The following FOSB variants were observed in gnomAD, a reference collection of about 807,000 sequenced individuals.
The protein encoded by FOSB is FosB proto-oncogene, AP-1 transcription factor subunit.
A neutral mutation model predicts 31.1 loss-of-function variants in FOSB; 8 were observed. The observed-to-expected ratio is 0.26, with a 90% CI of 0.15 to 0.46. FOSB has a LOEUF of 0.46. Among genes scored for constraint, FOSB ranks in the 20% least tolerant of loss-of-function variants. FOSB has a pLI of 0.99. For synonymous variants in FOSB, 214 were observed against 206.1 expected (o/e 1.04, Z -0.33); for missense variants, 376 against 460.6 (o/e 0.82, Z 1.68).
In FOSB at chr19:45,472,487, G is replaced by C. The variant is rs1407728591; in HGVS notation, c.556-64G>C. On this transcript the variant is annotated intron_variant, in intron 3 of 3. Coordinates refer to ENST00000353609, the MANE Select transcript of FOSB (RefSeq NM_006732.3). The surrounding 1 kb of genome is among the most constrained non-coding windows in gnomAD (Gnocchi z 5.4). ...AAGGGAGCCATGACCCGAGTTTCCCGGTCACTGACATGCTTTTTTCTCCTT... is the reference window on the plus strand; with the variant it reads ...AAGGGAGCCATGACCCGAGTTTCCCCGTCACTGACATGCTTTTTTCTCCTT... 3 of 1,345,404 alleles carry C rather than the reference G, an allele frequency of 2.2e-6. No homozygotes were observed. The highest frequency in any genetic ancestry group is 3.0e-6 in the Non-Finnish European group (3 of 1,011,714). The allele number at this position is 1,345,404 out of a possible 1,614,324, so 83.3% of individuals were successfully genotyped here.
intron 2 of FOSB, 38 bp downstream of exon 2, chr19:45,470,987 G>A (rs201846388): frequency 1.3e-6 from 2 of 1,596,166 alleles, no homozygotes; most frequent in Non-Finnish European, 1.7e-6. Flanking sequence ...TGGGTAGGGG[G>A]AAGCAAGAGA....
At chr19:45,469,483 G>T (rs370416429) in intron 1 of FOSB, among the ~76,000 whole-genome samples, 1 of 152,206 alleles carries the variant, frequency 6.6e-6, no homozygotes, top group African/African-American at 2.4e-5. Flanking sequence ...CCCGGAACCC[G>T]TGGTTCCTTG....
chr19:45,468,817 G>C lies in FOSB; in HGVS notation c.126+105G>C. Reference sequence around the variant, plus strand: ...CACAAAAAGGCGCATCAGAACCCTAGATCTGAGATGGAAAAGGCTCACAGC... The same window carrying C: ...CACAAAAAGGCGCATCAGAACCCTACATCTGAGATGGAAAAGGCTCACAGC... On this transcript the variant is annotated intron_variant, in intron 1 of 3. Coordinates refer to ENST00000353609, the MANE Select transcript of FOSB (RefSeq NM_006732.3). The surrounding 1 kb of genome is among the most constrained non-coding windows in gnomAD (Gnocchi z 4.8). The C allele has an allele frequency of 8.1e-7, 1 of 1,233,354 alleles. No individual in the cohort carries two copies. Among genetic ancestry groups the C allele is most frequent in the Non-Finnish European group, 1.1e-6 (1 of 910,802 alleles). The allele number at this position is 1,233,354 out of a possible 1,614,324, so 76.4% of individuals were successfully genotyped here.
intron 1 of FOSB, among the ~76,000 whole-genome samples, chr19:45,469,578 A>G (rs1203001212): frequency 6.6e-6 from 1 of 152,074 alleles, no homozygotes; most frequent in Non-Finnish European, 1.5e-5. Context: ...GACCCAATGG[A>G]TCTGCGAGGC....
At chr19:45,471,490 TCC>T in intron 3 of FOSB, 189 bp downstream of exon 3, 1 of 432,376 alleles carries the variant, frequency 2.3e-6, no homozygotes, top group Non-Finnish European at 4.0e-6. Context: ...TTAAGTCAAC[TCC>T]TGGTCCCCCC....
chr19:45,471,419 A>T, intron 3 of FOSB, 118 bp downstream of exon 3: 1 of 739,828 alleles, frequency 1.4e-6, no homozygotes, highest in Admixed American at 2.3e-5. Context: ...CCACACATGG[A>T]ACTAGGTACT....
chr19:45,470,899 G>A lies in FOSB; in HGVS notation c.397G>A (p.Gly133Arg), dbSNP rs1190283146. The A allele has an allele frequency of 6.2e-7, 1 of 1,613,782 alleles. No homozygotes were observed. ...PSTSGTTSGP[G>R]PARPARARPR... The stretch of plus-strand genomic sequence containing the variant: ...CACCAGCGGAACTACCAGTGGGCCT[G>A]GGCCTGCCCGCCCAGCCCGAGCCCG... Residue 133 changes from glycine (G) to arginine (R), a missense_variant, in exon 2 of 4, where the codon GGG (glycine) becomes AGG (arginine). This residue lies in a region of FOSB where 193 missense variants were observed against 207.1 expected (regional missense o/e 0.93). Transcript: ENST00000353609.
chr19:45,471,229 C>T lies in FOSB; in HGVS notation c.483C>T (p.Arg161=), dbSNP rs755948096. The part of the protein sequence containing the change: ...TPEEEEKRRV[R]RERNKLAAAK... ...AGGAAGAGGAGAAGCGAAGGGTGCG[C>T]CGGGAACGAAATAAACTAGCAGCAG... Residue 161 remains arginine, a synonymous_variant, in exon 3 of 4, where the codon CGC becomes CGT. Transcript: ENST00000353609. 2 of 1,568,620 alleles carry T rather than the reference C, an allele frequency of 1.3e-6. No homozygotes were observed. Among genetic ancestry groups the T allele is most frequent in the Non-Finnish European group, 1.7e-6 (2 of 1,156,444 alleles).
intron 3 of FOSB, 200 bp downstream of exon 3, chr19:45,471,501 C>CCCCG: frequency 2.3e-6 from 1 of 438,534 alleles, no homozygotes; most frequent in Non-Finnish European, 4.2e-6. Context: ...CCTGGTCCCC[C>CCCCG]CCCCATTTCC....
Position 45,473,041 on chromosome 19 carries a change from A to C in FOSB, c.*29A>C. ...CTTTAGACACACAAAACAAACAAAC[A>C]CATGGGGGAGAGAGACTTGGAAGAG... On this transcript the variant is annotated 3_prime_UTR_variant, in exon 4 of 4. Transcript: ENST00000353609. The C allele has an allele frequency of 9.0e-6, 14 of 1,555,004 alleles. No individual in the cohort carries two copies. Among genetic ancestry groups the C allele is most frequent in the Non-Finnish European group, 1.2e-5 (14 of 1,139,294 alleles).
intron 1 of FOSB, among the ~76,000 whole-genome samples, chr19:45,469,514 C>T (rs1304123976): frequency 6.6e-6 from 1 of 152,168 alleles, no homozygotes; most frequent in East Asian, 1.9e-4. Flanking sequence ...CTCTTTTCGG[C>T]GCCTCTAGAG....
In FOSB at chr19:45,473,043, A is replaced by G; in HGVS notation, c.*31A>G. 3.3e-6 allele frequency: 5 copies of G among 1,513,390 alleles called. No homozygotes were observed. The highest frequency in any genetic ancestry group is 4.5e-6 in the Non-Finnish European group (5 of 1,101,896). The allele number at this position is 1,513,390 out of a possible 1,614,324, so 93.7% of individuals were successfully genotyped here. A position where few individuals can be genotyped will look rare whatever the true frequency, so the allele number is the denominator to read the frequency against. On this transcript the variant is annotated 3_prime_UTR_variant, in exon 4 of 4. Transcript: ENST00000353609. ...TTAGACACACAAAACAAACAAACAC[A>G]TGGGGGAGAGAGACTTGGAAGAGGA...
rs1236830399 is a variant in FOSB, at chr19:45,472,670, C to T, written c.675C>T (p.Pro225=). 3 of 1,604,892 alleles carry T rather than the reference C, an allele frequency of 1.9e-6. No individual in the cohort carries two copies. The highest frequency in any genetic ancestry group is 2.2e-5 in the South Asian group (2 of 90,166). The change falls in exon 4 of 4, where the codon CCC becomes CCT. Residue 225 remains proline, a synonymous_variant. Transcript: ENST00000353609. This position sits in a 1 kb window ranked among gnomAD's most constrained non-coding sequence, Gnocchi z 5.4. ...LVAHKPGCKI[P]YEEGPGPGPL... is the part of the protein sequence containing the mutation. ...CCCACAAACCGGGCTGCAAGATCCCCTACGAAGAGGGGCCCGGGCCGGGCC... is the reference window on the plus strand; with the variant it reads ...CCCACAAACCGGGCTGCAAGATCCCTTACGAAGAGGGGCCCGGGCCGGGCC...
Position 45,470,790 on chromosome 19 carries a change from C to T in FOSB, c.288C>T (p.Pro96=). 1.2e-6 allele frequency: 2 copies of T among 1,614,020 alleles called. No homozygotes were observed. The highest frequency in any genetic ancestry group is 1.6e-4 in the Middle Eastern group (1 of 6,062). The stretch of plus-strand genomic sequence containing the variant: ...CCTCCCAGCCCCCGGTCGTCGACCC[C>T]TACGACATGCCGGGAACCAGCTACT... ...PLASQPPVVD[P]YDMPGTSYST... Residue 96 remains proline, a synonymous_variant, in exon 2 of 4, where the codon CCC becomes CCT. Transcript: ENST00000353609.
In FOSB at chr19:45,472,919, C is replaced by T; in HGVS notation, c.924C>T (p.Cys308=). 2.5e-6 allele frequency: 4 copies of T among 1,614,110 alleles called. No homozygotes were observed. Among genetic ancestry groups the T allele is most frequent in the Non-Finnish European group, 2.5e-6 (3 of 1,180,044 alleles). Residue 308 remains cysteine (C), a synonymous_variant, in exon 4 of 4, where the codon TGC becomes TGT. Coordinates refer to ENST00000353609, the MANE Select transcript of FOSB (RefSeq NM_006732.3). The surrounding 1 kb of genome is among the most constrained non-coding windows in gnomAD (Gnocchi z 5.4). The stretch of plus-strand genomic sequence containing the variant: ...ACACTTCTTCGTTTGTCCTCACCTG[C>T]CCGGAGGTCTCCGCGTTCGCCGGCG... ...PSYTSSFVLT[C]PEVSAFAGAQ...
chr19:45,472,826 G>A lies in FOSB; in HGVS notation c.831G>A (p.Thr277=), dbSNP rs765969336. ...GCCAAGACGCACCCCCCAACCTGACGGCTTCTCTCTTTACACACAGTGAAG... is the reference window on the plus strand; with the variant it reads ...GCCAAGACGCACCCCCCAACCTGACAGCTTCTCTCTTTACACACAGTGAAG... The part of the protein sequence containing the change: ...QTSQDAPPNL[T]ASLFTHSEVQ... The change falls in exon 4 of 4, where the codon ACG becomes ACA. Residue 277 remains threonine (T), a synonymous_variant. Transcript: ENST00000353609. This position sits in a 1 kb window ranked among gnomAD's most constrained non-coding sequence, Gnocchi z 5.4. 11 of 1,614,080 alleles carry A rather than the reference G, an allele frequency of 6.8e-6. No homozygotes were observed. The South Asian group carries it at 9.9e-5, about 14-fold the overall frequency.
In FOSB at chr19:45,470,848, G is replaced by C; in HGVS notation, c.346G>C (p.Gly116Arg). 2 of 1,614,042 alleles carry C rather than the reference G, an allele frequency of 1.2e-6. No individual in the cohort carries two copies. Among genetic ancestry groups the C allele is most frequent in the Non-Finnish European group, 1.7e-6 (2 of 1,180,028 alleles). Residue 116 changes from glycine (G) to arginine (R), a missense_variant, in exon 2 of 4, where the codon GGA (glycine) becomes CGA (arginine). Physicochemically the swap from Gly to Arg is moderately radical, Grantham distance 125. This residue lies in a region of FOSB where 193 missense variants were observed against 207.1 expected (regional missense o/e 0.93). Transcript: ENST00000353609. Reference sequence around the variant, plus strand: ...AGGCATGAGTGGCTACAGCAGTGGCGGAGCGAGTGGCAGTGGTGGGCCTTC... The same window carrying C: ...AGGCATGAGTGGCTACAGCAGTGGCCGAGCGAGTGGCAGTGGTGGGCCTTC... The part of the protein sequence containing the change: ...TPGMSGYSSG[G>R]ASGSGGPSTS...
rs974189463 is a variant in FOSB at position 45,471,286 on chromosome 19, C to T, written c.540C>T (p.Thr180=). Reference sequence around the variant, plus strand: ...GCAGGAACCGGCGGAGGGAGCTGACCGACCGACTCCAGGCGGTGAGGACAG... The same window carrying T: ...GCAGGAACCGGCGGAGGGAGCTGACTGACCGACTCCAGGCGGTGAGGACAG... ...AKCRNRRREL[T]DRLQAETDQL... is the part of the protein sequence containing the mutation. Residue 180 remains threonine, a synonymous_variant, in exon 3 of 4, where the codon ACC becomes ACT. Coordinates refer to ENST00000353609, the MANE Select transcript of FOSB (RefSeq NM_006732.3). 2 of 1,562,754 alleles carry T rather than the reference C, an allele frequency of 1.3e-6. No individual in the cohort carries two copies. Among genetic ancestry groups the T allele is most frequent in the Non-Finnish European group, 1.7e-6 (2 of 1,153,154 alleles).
At position 45,470,565 on chromosome 19, in the gene FOSB, G is replaced by A. The variant is rs557145094; in HGVS notation, c.127-64G>A. 6.3e-5 allele frequency: 88 copies of A among 1,402,840 alleles called. 3 individuals carry two copies. The South Asian group carries it at 8.6e-4, about 14-fold the overall frequency. 86.9% of individuals were successfully genotyped at this position (1,402,840 alleles called of 1,614,324 possible). A position where few individuals can be genotyped will look rare whatever the true frequency, so the allele number is the denominator to read the frequency against. ...GGTCGGTGTGTGTTATGTGTGTTGG[G>A]TGTGTGTGTGTCGGTGTCTTTGTTT... On this transcript the variant is annotated intron_variant, in intron 1 of 3. Transcript: ENST00000353609.
Sources: allele counts gnomAD v4.1 joint callset (sites outside exome capture counted in the v4.1 genomes callset), GRCh38; gene constraint gnomAD v4.1.1; regional missense constraint gnomAD v4.1.1; non-coding constraint Gnocchi (gnomAD v3.1); transcripts MANE v1.5; gene names NCBI Gene and HGNC (gene_info 2026-07-23, HGNC 2026-07-21).